Variants in KANK1 observed in about 807,000 individuals in gnomAD.
KANK1 encodes the protein KN motif and ankyrin repeat domains 1, also known as KN motif and ankyrin repeat domain-containing protein 1.
A neutral mutation model predicts 106.2 loss-of-function variants in KANK1; 109 were observed. The ratio of observed to expected loss-of-function variants is 1.03; its 90% CI spans 0.88 to 1.20. The LOEUF (loss-of-function observed/expected upper bound fraction) is 1.20, where lower values mean the gene tolerates loss of function less well. KANK1 is among the 50% of genes most tolerant of loss of function. The pLI is 0.00. For missense variants in KANK1, 2,399 were observed against 1,710.7 expected, an observed-to-expected ratio of 1.40 and a Z score of -7.10; for synonymous variants, 873 against 652.2, an observed-to-expected ratio of 1.34 and a Z score of -5.16.
At chr9:471,376 G>C (rs1045536423) in intron 2 of KANK1, 2 of 152,488 alleles carry the variant, frequency 1.3e-5, no homozygotes, top group African/African-American at 4.8e-5. Context: ...CAAGGAAGTA[G>C]AGTAGGGAAG....
At chr9:481,707 AC>A (rs2058208094) in intron 3 of KANK1, among the ~76,000 whole-genome samples, 1 of 152,126 alleles carries the variant, frequency 6.6e-6, no homozygotes, top group Admixed American at 6.6e-5. Context: ...GCTTAAAAGA[AC>A]AAATAGGTCT....
chr9:510,284 G>T (rs1314308661), intron 1 of KANK1, among the ~76,000 whole-genome samples: 1 of 152,024 alleles, frequency 6.6e-6, no homozygotes, highest in Non-Finnish European at 1.5e-5. Context: ...TTCTTTATAT[G>T]GTCCTGTTTA....
chr9:489,787 G>A (rs2132283296), intron 3 of KANK1, among the ~76,000 whole-genome samples: 1 of 152,266 alleles, frequency 6.6e-6, no homozygotes, highest in Non-Finnish European at 1.5e-5. Context: ...TAGTATCAAT[G>A]AGACTGTTAT....
chr9:539,413 C>T (rs767305686), intron 1 of KANK1: 1 of 152,150 alleles, frequency 6.6e-6, no homozygotes, highest in Admixed American at 6.5e-5. Flanking sequence ...TTTATGTCTT[C>T]AGTTTCTTTT....
intron 1 of KANK1, among the ~76,000 whole-genome samples, chr9:538,828 C>G (rs1385589290): frequency 6.6e-6 from 1 of 152,166 alleles, no homozygotes; most frequent in Non-Finnish European, 1.5e-5. Flanking sequence ...ATAGTAAGTA[C>G]TTCATAAATG....
chr9:674,985 G>C (rs1297900534), intron 1 of KANK1, among the ~76,000 whole-genome samples: 1 of 151,788 alleles, frequency 6.6e-6, no homozygotes, highest in African/African-American at 2.4e-5. Flanking sequence ...GATTACAGGT[G>C]TGAGCCACCG....
At chr9:704,292 G>A (rs958855291) in intron 2 of KANK1, among the ~76,000 whole-genome samples, 2 of 152,128 alleles carry the variant, frequency 1.3e-5, no homozygotes, top group African/African-American at 2.4e-5. Context: ...TAGTAGCTCT[G>A]ATCCACAAAG....
intron 1 of KANK1, among the ~76,000 whole-genome samples, chr9:669,135 C>T (rs1208481570): frequency 6.6e-6 from 1 of 152,128 alleles, no homozygotes; most frequent in African/African-American, 2.4e-5. Context: ...CCTGAATTTA[C>T]GTATTTTGAT....
chr9:566,580 GGTT>G (rs1817865051), intron 1 of KANK1, among the ~76,000 whole-genome samples: 1 of 152,098 alleles, frequency 6.6e-6, no homozygotes, highest in African/African-American at 2.4e-5. Flanking sequence ...ATCTCCTTGT[GGTT>G]GTTATTTGCG....
At chr9:501,027 T>G (rs1205278721), upstream of KANK1, among the ~76,000 whole-genome samples, 4 of 152,120 alleles carry the variant, frequency 2.6e-5, no homozygotes, top group Non-Finnish European at 5.9e-5. Flanking sequence ...GCCAAAACTT[T>G]CTGATTCACT....
intron 1 of KANK1, among the ~76,000 whole-genome samples, chr9:580,469 A>G (rs548463457): frequency 2.2e-4 from 33 of 152,268 alleles, no homozygotes; most frequent in Non-Finnish European, 2.8e-4. Flanking sequence ...TGATTGGTCA[A>G]TTTTACAGAG....
At chr9:616,722 ATTAT>A (rs140619136) in intron 1 of KANK1, among the ~76,000 whole-genome samples, 12,663 of 152,184 alleles carry the variant, frequency 0.083, 770 homozygotes, top group African/African-American at 0.18. Flanking sequence ...CTACACGTCC[ATTAT>A]TTGTCAGCTG....
intron 1 of KANK1, among the ~76,000 whole-genome samples, chr9:609,551 C>T (rs916932277): frequency 2.0e-5 from 3 of 152,078 alleles, no homozygotes; most frequent in African/African-American, 7.2e-5. Context: ...ATCATTTGAA[C>T]CCCAGGAGGT....
intron 1 of KANK1, among the ~76,000 whole-genome samples, chr9:606,165 A>G (rs942900728): frequency 2.0e-5 from 3 of 151,066 alleles, no homozygotes; most frequent in African/African-American, 7.4e-5. Flanking sequence ...ACACACACAC[A>G]CACACACACA....
intron 1 of KANK1, among the ~76,000 whole-genome samples, chr9:613,214 C>T (rs1311519958): frequency 6.6e-6 from 1 of 151,654 alleles, no homozygotes; most frequent in East Asian, 1.9e-4. Flanking sequence ...TAGTTCACAG[C>T]ATCTTTAAGA....
chr9:667,747 G>GGT (rs1844978821), intron 1 of KANK1, among the ~76,000 whole-genome samples: 1 of 133,982 alleles, frequency 7.5e-6, no homozygotes, highest in Non-Finnish European at 1.6e-5. Context: ...TTTTTGTTTT[G>GGT]TTTTTTTTTT....
intron 3 of KANK1, chr9:489,053 A>C (rs947929290): frequency 1.3e-5 from 2 of 152,146 alleles, no homozygotes; most frequent in Non-Finnish European, 2.9e-5. Flanking sequence ...AACTAGGAGG[A>C]GTTTTGGAAT....
At position 598,620 on chromosome 9, in the gene KANK1, C is replaced by CTT. The variant is rs3028166; in HGVS notation, c.-83-78241_-83-78240dup. ...TTTTTTGTTTTGTTTTGTTGGTTTT[C>CTT]TTTTTTTTTTTTTTTTTTTTTTTTT... On this transcript the variant is annotated intron_variant, in intron 1 of 11. Transcript: ENST00000382297. Among the ~76,000 whole-genome samples, 91 of 46,678 alleles carry CTT rather than the reference C, an allele frequency of 1.9e-3. 15 individuals carry two copies. Among genetic ancestry groups the CTT allele is most frequent in the Non-Finnish European group, 2.9e-3 (67 of 23,148 alleles). The allele number at this position is 46,678 out of a possible 152,430, so 30.6% of individuals were successfully genotyped here.
Position 712,172 on chromosome 9 carries a change from T to C in KANK1, c.1406T>C (p.Ile469Thr). Residue 469 changes from isoleucine to threonine, a missense_variant, in exon 3 of 12, where the codon ATC (isoleucine) becomes ACC (threonine). By Grantham distance (89) the Ile-to-Thr change is moderately conservative (BLOSUM62 -1). Coordinates refer to ENST00000382297, the MANE Select transcript of KANK1 (RefSeq NM_015158.5). ...ACCATAGAATCCTTGAAGGAAAAGA[T>C]CTATCGCCTAGAAGTACAGCTTAGA... ...QQTIESLKEK[I>T]YRLEVQLRET... 1 of 1,614,028 alleles carries C rather than the reference T, an allele frequency of 6.2e-7. No homozygotes were observed. The highest frequency in any genetic ancestry group is 1.1e-5 in the South Asian group (1 of 91,080).
Sources: allele counts gnomAD v4.1 joint callset (sites outside exome capture counted in the v4.1 genomes callset), GRCh38; gene constraint gnomAD v4.1.1; transcripts MANE v1.5; gene names NCBI Gene and HGNC (gene_info 2026-07-23, HGNC 2026-07-21).